CDC42EP4: variants seen among roughly 807,000 people sequenced by gnomAD.
The protein encoded by CDC42EP4 is CDC42 effector protein (Rho GTPase binding) 4.
A neutral mutation model predicts 5.6 loss-of-function variants in CDC42EP4; 6 were observed. That is an observed-to-expected ratio of 1.07 (90% CI 0.59 to 2.12). CDC42EP4 has a LOEUF of 2.12. CDC42EP4 is among the 30% of genes most tolerant of loss of function. The probability of loss-of-function intolerance (pLI) is 0.00; values close to 1 mark genes in which losing one functional copy is unlikely to be tolerated. For synonymous variants in CDC42EP4, 230 were observed against 224.2 expected (o/e 1.03, Z -0.23); for missense variants, 490 against 508.6 (o/e 0.96, Z 0.35).
At position 73,305,325 on chromosome 17, in the gene CDC42EP4, C is replaced by A. The variant is rs180864840; in HGVS notation, c.-113+6568G>T. The stretch of plus-strand genomic sequence containing the variant: ...CTGCCCCCATACAGGCTGGGCCCTC[C>A]TCCTCTAGGAGTGGTGCTACTACTG... On this transcript the variant is annotated intron_variant, in intron 1 of 1. Coordinates refer to ENST00000335793, the MANE Select transcript of CDC42EP4 (RefSeq NM_012121.5). 5.8e-4 allele frequency among the ~76,000 whole-genome samples: 88 copies of A among 152,360 alleles called. No homozygotes were observed. The East Asian group carries it at 0.015, about 26-fold the overall frequency.
intron 1 of CDC42EP4, among the ~76,000 whole-genome samples, chr17:73,300,528 C>T (rs2062213251): frequency 6.6e-6 from 1 of 152,226 alleles, no homozygotes; most frequent in African/African-American, 2.4e-5. Flanking sequence ...CCACCAGCCA[C>T]TTCTGGCTTC....
intron 1 of CDC42EP4, among the ~76,000 whole-genome samples, chr17:73,297,455 T>C (rs142415101): frequency 0.011 from 1,736 of 151,818 alleles, 31 homozygotes; most frequent in African/African-American, 0.04. Context: ...GCTTGGGCAA[T>C]AGAGTGAGAC....
chr17:73,299,905 G>A (rs1415598704), intron 1 of CDC42EP4, among the ~76,000 whole-genome samples: 2 of 152,062 alleles, frequency 1.3e-5, no homozygotes, highest in Non-Finnish European at 2.9e-5. Context: ...CTGCTCTCAG[G>A]AACCTCCCAA....
At position 73,308,002 on chromosome 17, in the gene CDC42EP4, C is replaced by A. The variant is rs149671332; in HGVS notation, c.-113+3891G>T. On this transcript the variant is annotated intron_variant, in intron 1 of 1. Coordinates refer to ENST00000335793, the MANE Select transcript of CDC42EP4 (RefSeq NM_012121.5). Reference sequence around the variant, plus strand: ...AGTGATCTGCCCGCCTTGGCCTCCCCAAGTGCTGAGATTACAGGCGTGAGC... The same window carrying A: ...AGTGATCTGCCCGCCTTGGCCTCCCAAAGTGCTGAGATTACAGGCGTGAGC... Among the ~76,000 whole-genome samples the A allele has an allele frequency of 5.1e-3, 778 of 151,896 alleles. 7 individuals carry two copies. The highest frequency in any genetic ancestry group is 0.01 in the Middle Eastern group (3 of 294).
At chr17:73,296,423 A>C (rs1210362586) in intron 1 of CDC42EP4, among the ~76,000 whole-genome samples, 16 of 150,206 alleles carry the variant, frequency 1.1e-4, no homozygotes, top group Non-Finnish European at 2.4e-4. Flanking sequence ...ATCTCAAAAA[A>C]AAAAAAAAAA....
intron 1 of CDC42EP4, among the ~76,000 whole-genome samples, chr17:73,303,511 A>T (rs1408722688): frequency 2.6e-5 from 4 of 151,702 alleles, no homozygotes; most frequent in African/African-American, 9.7e-5. Flanking sequence ...AAAATACAAA[A>T]ATTAGCCTGG....
chr17:73,307,160 A>C (rs1249052616), intron 1 of CDC42EP4: 1 of 152,208 alleles, frequency 6.6e-6, no homozygotes, highest in Non-Finnish European at 1.5e-5. Context: ...TTCATTAATG[A>C]CCACACCCTA....
At chr17:73,292,696 G>C (rs1045626070) in intron 1 of CDC42EP4, among the ~76,000 whole-genome samples, 1 of 152,216 alleles carries the variant, frequency 6.6e-6, no homozygotes, top group Non-Finnish European at 1.5e-5. Context: ...GGTCAGAAGC[G>C]ACCCAGGCAG....
rs372655453 is a variant in CDC42EP4 at position 73,296,930 on chromosome 17, G to A, written c.-112-10318C>T. 1.3e-3 allele frequency among the ~76,000 whole-genome samples: 158 copies of A among 121,166 alleles called. 1 individual carries two copies. The highest frequency in any genetic ancestry group is 4.0e-3 in the African/African-American group (127 of 32,004). 79.5% of individuals were successfully genotyped at this position (121,166 alleles called of 152,430 possible). A position where few individuals can be genotyped will look rare whatever the true frequency, so the allele number is the denominator to read the frequency against. ...CGGGAGGCGGAGCTTGCAGTGAGCC[G>A]AGATAGCGCCACTGCAGTCTGGCCT... On this transcript the variant is annotated intron_variant, in intron 1 of 1. Coordinates refer to ENST00000335793, the MANE Select transcript of CDC42EP4 (RefSeq NM_012121.5).
At chr17:73,305,745 G>T (rs1346635057) in intron 1 of CDC42EP4, among the ~76,000 whole-genome samples, 1 of 152,242 alleles carries the variant, frequency 6.6e-6, no homozygotes. Context: ...TAAAGATGAT[G>T]CTGTCACACC....
chr17:73,299,166 G>C (rs2062203878), intron 1 of CDC42EP4, among the ~76,000 whole-genome samples: 1 of 152,048 alleles, frequency 6.6e-6, no homozygotes. Context: ...GCTCACGCCT[G>C]TAATCCCAGC....
chr17:73,286,488 T>C lies in CDC42EP4; in HGVS notation c.13A>G (p.Lys5Glu), dbSNP rs753026305. The C allele has an allele frequency of 6.3e-7, 1 of 1,592,178 alleles. No individual in the cohort carries two copies. The highest frequency in any genetic ancestry group is 1.7e-5 in the Admixed American group (1 of 58,844). The change falls in exon 2 of 2, where the codon AAG becomes GAG. Residue 5 changes from lysine to glutamate, a missense_variant. By Grantham distance (56) the Lys-to-Glu change is moderately conservative. Coordinates refer to ENST00000335793, the MANE Select transcript of CDC42EP4 (RefSeq NM_012121.5). This position sits in a 1 kb window ranked among gnomAD's most constrained non-coding sequence, Gnocchi z 7.7. ...TGCACCGAGCTGGACACCAGTTGCT[T>C]GAGGATTGGCATCTTGCTGGATGGG... MPIL[K>E]QLVSSSVHSK...
In CDC42EP4 at chr17:73,285,265, G is replaced by A. The variant is rs961276995; in HGVS notation, c.*165C>T. On this transcript the variant is annotated 3_prime_UTR_variant, in exon 2 of 2. Coordinates refer to ENST00000335793, the MANE Select transcript of CDC42EP4 (RefSeq NM_012121.5). The surrounding 1 kb of genome is among the most constrained non-coding windows in gnomAD (Gnocchi z 6.8). ...CCCATGCCAGCCCCCTACGTCCTCC[G>A]AAGACCCGAGGGCCAGGCCAGTGTC... 1.1e-4 allele frequency: 58 copies of A among 542,454 alleles called. No individual in the cohort carries two copies. Among genetic ancestry groups the A allele is most frequent in the Non-Finnish European group, 1.7e-4 (53 of 316,260 alleles). The allele number at this position is 542,454 out of a possible 1,614,324, so 33.6% of individuals were successfully genotyped here.
chr17:73,308,342 C>T (rs186898137), intron 1 of CDC42EP4, among the ~76,000 whole-genome samples: 233 of 152,280 alleles, frequency 1.5e-3, no homozygotes, highest in African/African-American at 5.0e-3. Flanking sequence ...GTTTCCAGGG[C>T]GAGATTGCTC....
chr17:73,285,799 C>G lies in CDC42EP4; in HGVS notation c.702G>C (p.Glu234Asp), dbSNP rs762947771. ...CATCGCCATGGTAACCACCCTCCCC[C>G]TCCTCGGGGTCCCACTCCTCCTTGT... ...IMDKEEWDPE[E>D]GEGGYHGDEG... The change falls in exon 2 of 2, where the codon GAG becomes GAC. Residue 234 changes from glutamate (E) to aspartate (D), a missense_variant. Physicochemically the swap from Glu to Asp is conservative, Grantham distance 45. Coordinates refer to ENST00000335793, the MANE Select transcript of CDC42EP4 (RefSeq NM_012121.5). The surrounding 1 kb of genome is among the most constrained non-coding windows in gnomAD (Gnocchi z 6.8). 2 of 1,604,060 alleles carry G rather than the reference C, an allele frequency of 1.2e-6. No individual in the cohort carries two copies. Among genetic ancestry groups the G allele is most frequent in the African/African-American group, 1.3e-5 (1 of 74,876 alleles).
chr17:73,308,784 C>T (rs1000427596), intron 1 of CDC42EP4, among the ~76,000 whole-genome samples: 2 of 151,892 alleles, frequency 1.3e-5, no homozygotes, highest in Admixed American at 6.6e-5. Flanking sequence ...CCTGTAATCC[C>T]GGCTCTTGGG....
chr17:73,304,181 T>C (rs932505315), intron 1 of CDC42EP4, among the ~76,000 whole-genome samples: 1 of 152,028 alleles, frequency 6.6e-6, no homozygotes, highest in African/African-American at 2.4e-5. Context: ...ATGGAGAAAA[T>C]ACGAGAAAGA....
intron 1 of CDC42EP4, among the ~76,000 whole-genome samples, chr17:73,300,908 G>C (rs528590296): frequency 1.4e-4 from 21 of 152,172 alleles, no homozygotes; most frequent in African/African-American, 5.1e-4. Context: ...AGCCAGGCAT[G>C]GTGGCGTGCG....
At chr17:73,303,662 CAA>C (rs542149787) in intron 1 of CDC42EP4, among the ~76,000 whole-genome samples, 72 of 83,806 alleles carry the variant, frequency 8.6e-4, no homozygotes, top group Admixed American at 8.1e-4. Flanking sequence ...ACTCTGTCTC[CAA>C]AAAAAAAAAA....
Sources: gnomAD v4.1 joint callset for allele counts (sites outside exome capture counted in the v4.1 genomes callset) on GRCh38, gnomAD v4.1.1 for gene constraint, Gnocchi (gnomAD v3.1) non-coding constraint, MANE v1.5 for transcripts, NCBI Gene and HGNC (gene_info 2026-07-23, HGNC 2026-07-21) for gene names.